The following CSMD1 variants were observed in gnomAD, a reference collection of about 807,000 sequenced individuals.
The protein encoded by CSMD1 is CUB and sushi domain-containing protein 1.
A neutral mutation model predicts 417.5 loss-of-function variants in CSMD1; 213 were observed. That is an observed-to-expected ratio of 0.51 (90% CI 0.46 to 0.57). CSMD1 has a LOEUF of 0.57. Among genes scored for constraint, CSMD1 ranks in the 20% least tolerant of loss-of-function variants. The pLI, the probability that CSMD1 is intolerant of heterozygous loss-of-function variation, is 0.00. For synonymous variants in CSMD1, 2,862 were observed against 1,736.8 expected, an observed-to-expected ratio of 1.65 and a Z score of -16.11; for missense variants, 6,923 against 4,529.7, an observed-to-expected ratio of 1.53 and a Z score of -15.17.
At chr8:3,868,642 A>G (rs1805271305) in intron 5 of CSMD1, among the ~76,000 whole-genome samples, 1 of 152,002 alleles carries the variant, frequency 6.6e-6, no homozygotes, top group Admixed American at 6.6e-5. Flanking sequence ...AGTTCCTAAT[A>G]TTTCTCCTCA....
chr8:4,790,631 G>GACTTTTGCACCAGTT lies in CSMD1; in HGVS notation c.86-153074_86-153073insAACTGGTGCAAAAGT, dbSNP rs1250531554. On this transcript the variant is annotated intron_variant, in intron 1 of 69. Transcript: ENST00000635120. ...ACAGCACGGTACTGGTACAAAAGCA[G>GACTTTTGCACCAGTT]ACACATAGACCAATGCAACAGGTTA... 1.8e-4 allele frequency among the ~76,000 whole-genome samples: 28 copies of GACTTTTGCACCAGTT among 152,100 alleles called. 1 individual carries two copies.
chr8:3,500,541 C>A (rs923486809), intron 10 of CSMD1, among the ~76,000 whole-genome samples: 1 of 152,048 alleles, frequency 6.6e-6, no homozygotes, highest in East Asian at 1.9e-4. Context: ...CAGTCTCTTT[C>A]ATATTTAGAG....
chr8:3,277,143 G>C (rs1321854617), intron 26 of CSMD1, among the ~76,000 whole-genome samples: 1 of 152,260 alleles, frequency 6.6e-6, no homozygotes, highest in Middle Eastern at 3.4e-3. Context: ...GTTTCTGTAG[G>C]CTTTGCCAGA....
At chr8:4,134,834 T>C (rs1029645509) in intron 3 of CSMD1, among the ~76,000 whole-genome samples, 6 of 152,328 alleles carry the variant, frequency 3.9e-5, no homozygotes, top group East Asian at 1.9e-4. Flanking sequence ...GCCTTGGCTG[T>C]TGAAAATCGT....
intron 4 of CSMD1, among the ~76,000 whole-genome samples, chr8:4,014,810 G>A (rs1278737072): frequency 2.0e-5 from 3 of 152,110 alleles, no homozygotes; most frequent in Admixed American, 6.5e-5. Context: ...CATCTTTACA[G>A]CTCTATAACC....
At chr8:3,315,433 A>AGT (rs1188500819) in intron 23 of CSMD1, among the ~76,000 whole-genome samples, 2 of 44,810 alleles carry the variant, frequency 4.5e-5, no homozygotes, top group African/African-American at 1.5e-4. Flanking sequence ...TTCTAGGTGA[A>AGT]GTGAGTGTGT....
At chr8:3,175,495 G>GCCTTCCTTTTTTCCTTCCTTCCTT (rs1554451356) in intron 37 of CSMD1, among the ~76,000 whole-genome samples, 1 of 105,588 alleles carries the variant, frequency 9.5e-6, no homozygotes, top group African/African-American at 4.1e-5. Flanking sequence ...CTGCCTGCCT[G>GCCTTCCTTTTTTCCTTCCTTCCTT]CCTGCCTGCC....
At chr8:4,234,767 G>C (rs557775770) in intron 3 of CSMD1, among the ~76,000 whole-genome samples, 10 of 152,248 alleles carry the variant, frequency 6.6e-5, no homozygotes, top group African/African-American at 2.4e-4. Flanking sequence ...CAGAACAAAA[G>C]ATCTGGGCTA....
chr8:3,292,198 G>C (rs574155332), intron 25 of CSMD1, among the ~76,000 whole-genome samples: 2 of 152,184 alleles, frequency 1.3e-5, no homozygotes, highest in Non-Finnish European at 2.9e-5. Context: ...GAGACAGTTT[G>C]TTGTAATTTC....
intron 3 of CSMD1, among the ~76,000 whole-genome samples, chr8:4,232,330 C>G (rs1022307377): frequency 2.6e-5 from 4 of 152,060 alleles, no homozygotes; most frequent in Non-Finnish European, 5.9e-5. Context: ...TCCCTAGTAC[C>G]TGGGATTACA....
At chr8:4,592,401 T>C (rs1299337001) in intron 2 of CSMD1, among the ~76,000 whole-genome samples, 1 of 152,070 alleles carries the variant, frequency 6.6e-6, no homozygotes, top group African/African-American at 2.4e-5. Flanking sequence ...GCTTTGTTGT[T>C]TTTGAGGTGG....
chr8:4,132,392 G>C (rs981638209), intron 3 of CSMD1, among the ~76,000 whole-genome samples: 8 of 152,032 alleles, frequency 5.3e-5, no homozygotes, highest in African/African-American at 1.9e-4. Flanking sequence ...CTATTCTCTA[G>C]TATGGTGTCT....
intron 1 of CSMD1, among the ~76,000 whole-genome samples, chr8:4,850,380 A>ATATATTTTTTTT (rs1403352847): frequency 1.2e-5 from 1 of 82,770 alleles, no homozygotes; most frequent in Non-Finnish European, 2.3e-5. Context: ...AATCCAATTT[A>ATATATTTTTTTT]TCTTTTTTTT....
At chr8:4,376,445 G>A (rs142183666) in intron 3 of CSMD1, among the ~76,000 whole-genome samples, 15 of 152,028 alleles carry the variant, frequency 9.9e-5, no homozygotes, top group African/African-American at 3.6e-4. Context: ...AATATTTTCG[G>A]CTTATTCTGT....
chr8:3,092,896 A>G (rs948856889), intron 47 of CSMD1, among the ~76,000 whole-genome samples: 2 of 136,416 alleles, frequency 1.5e-5, no homozygotes, highest in Non-Finnish European at 3.4e-5. Context: ...GGGAGAATGC[A>G]GCTCTCATTG....
intron 5 of CSMD1, among the ~76,000 whole-genome samples, chr8:3,849,415 C>G (rs1047349061): frequency 7.2e-5 from 11 of 152,106 alleles, no homozygotes; most frequent in Non-Finnish European, 1.3e-4. Flanking sequence ...AAAGGGAGTC[C>G]TTGCTTAAAT....
chr8:4,407,154 G>A (rs7838113), intron 3 of CSMD1, among the ~76,000 whole-genome samples: 112,667 of 152,062 alleles, frequency 0.74, 42,022 homozygotes, highest in South Asian at 0.83. Flanking sequence ...AGCCAAAAGA[G>A]TAACTCTGGC....
chr8:3,981,520 A>AAAAAAAAAAC (rs1813866971), intron 5 of CSMD1, among the ~76,000 whole-genome samples: 2 of 126,306 alleles, frequency 1.6e-5, no homozygotes, highest in Admixed American at 7.6e-5. Context: ...AAAAAAAAAA[A>AAAAAAAAAAC]AAAAAGAACA....
chr8:3,589,317 G>C (rs1800741241), intron 8 of CSMD1, among the ~76,000 whole-genome samples: 1 of 152,008 alleles, frequency 6.6e-6, no homozygotes, highest in Non-Finnish European at 1.5e-5. Flanking sequence ...ACTCACAATA[G>C]CCAAGTCGTG....
Sources: allele counts gnomAD v4.1 joint callset (sites outside exome capture counted in the v4.1 genomes callset), GRCh38; gene constraint gnomAD v4.1.1; transcripts MANE v1.5; gene names NCBI Gene and HGNC (gene_info 2026-07-23, HGNC 2026-07-21).